PAFAH1B1: variants seen among roughly 807,000 people sequenced by gnomAD.
PAFAH1B1 encodes the protein platelet-activating factor acetylhydrolase IB subunit beta.
A neutral mutation model predicts 57.5 loss-of-function variants in PAFAH1B1; 2 were observed. The observed-to-expected ratio is 0.03, with a 90% CI of 0.01 to 0.11. The LOEUF (loss-of-function observed/expected upper bound fraction) is 0.11. PAFAH1B1 is among the 10% of genes least tolerant of loss of function. PAFAH1B1 has a pLI of 1.00. For missense variants in PAFAH1B1, 257 were observed against 512.0 expected (o/e 0.50, Z 4.81); for synonymous variants, 152 against 169.6 (o/e 0.90, Z 0.81).
chr17:2,650,780 C>T (rs2068838988), intron 2 of PAFAH1B1, among the ~76,000 whole-genome samples: 1 of 151,802 alleles, frequency 6.6e-6, no homozygotes, highest in South Asian at 2.1e-4. Flanking sequence ...GTGTATAATG[C>T]CATTCTCTTC....
chr17:2,681,717 T>A lies in PAFAH1B1; in HGVS notation c.1160-12T>A. 1 of 1,609,146 alleles carries A rather than the reference T, an allele frequency of 6.2e-7. No individual in the cohort carries two copies. Among genetic ancestry groups the A allele is most frequent in the Non-Finnish European group, 8.5e-7 (1 of 1,175,748 alleles). On this transcript the variant is annotated splice_polypyrimidine_tract_variant and intron_variant, in intron 10 of 10. Coordinates refer to ENST00000397195, the MANE Select transcript of PAFAH1B1 (RefSeq NM_000430.4). ...GTGTGAGTTTTAAATAAACCATTTCTTTTTCTTTCAGATTTCCACAAGACG... is the reference window on the plus strand; with the variant it reads ...GTGTGAGTTTTAAATAAACCATTTCATTTTCTTTCAGATTTCCACAAGACG...
chr17:2,610,016 G>T (rs1042016735), intron 1 of PAFAH1B1, among the ~76,000 whole-genome samples: 13 of 152,290 alleles, frequency 8.5e-5, no homozygotes, highest in African/African-American at 3.1e-4. Flanking sequence ...GTAGAGGCAG[G>T]GTTTCGCCAT....
At chr17:2,595,478 A>G (rs965458986) in intron 1 of PAFAH1B1, among the ~76,000 whole-genome samples, 3 of 146,498 alleles carry the variant, frequency 2.0e-5, no homozygotes, top group Middle Eastern at 3.5e-3. Context: ...GTCCAGTCTC[A>G]TAATCAGGAA....
intron 1 of PAFAH1B1, among the ~76,000 whole-genome samples, chr17:2,615,365 A>G (rs12450893): frequency 0.27 from 41,171 of 152,132 alleles, 5,788 homozygotes; most frequent in Middle Eastern, 0.35. Context: ...GACAAAATCT[A>G]AAGTCATAAT....
chr17:2,656,879 CT>C (rs2068942962), intron 2 of PAFAH1B1, among the ~76,000 whole-genome samples: 1 of 151,922 alleles, frequency 6.6e-6, no homozygotes, highest in Non-Finnish European at 1.5e-5. Context: ...TAGTCTGTTT[CT>C]GTTTCTAGCC....
At chr17:2,679,958 A>C in intron 9 of PAFAH1B1, 1 of 581,380 alleles carries the variant, frequency 1.7e-6, no homozygotes, top group Non-Finnish European at 3.1e-6. Context: ...TTTAACCCTC[A>C]TCCAGGACCC....
chr17:2,593,600 G>GGCGGCGGCGGCGGCGGCA (rs1174516166), upstream of PAFAH1B1: 1 of 210,392 alleles, frequency 4.8e-6, no homozygotes, highest in African/African-American at 2.4e-5. Context: ...GGGCGGCGGC[G>GGCGGCGGCGGCGGCGGCA]GCGGCGGCGG....
At chr17:2,664,155 CCT>C (rs1332257337) in intron 2 of PAFAH1B1, among the ~76,000 whole-genome samples, 1 of 152,110 alleles carries the variant, frequency 6.6e-6, no homozygotes, top group Admixed American at 6.6e-5. Context: ...CTGGTAATTC[CCT>C]GTTATCTTTC....
chr17:2,599,296 C>A (rs1185784721), intron 1 of PAFAH1B1, among the ~76,000 whole-genome samples: 2 of 152,196 alleles, frequency 1.3e-5, no homozygotes, highest in Admixed American at 6.5e-5. Flanking sequence ...GTAAATATTG[C>A]AGTCACAGAA....
intron 2 of PAFAH1B1, among the ~76,000 whole-genome samples, chr17:2,653,594 T>C (rs1597556552): frequency 1.3e-5 from 2 of 152,270 alleles, no homozygotes; most frequent in East Asian, 3.9e-4. Context: ...GTTGAGCTGT[T>C]TAAATCCAGG....
chr17:2,598,014 A>G (rs1346662090), intron 1 of PAFAH1B1, among the ~76,000 whole-genome samples: 1 of 152,022 alleles, frequency 6.6e-6, no homozygotes, highest in African/African-American at 2.4e-5. Context: ...TGGGAGGCCG[A>G]GGCGGGTGGA....
intron 8 of PAFAH1B1, among the ~76,000 whole-genome samples, chr17:2,675,568 A>G (rs1321057614): frequency 6.6e-6 from 1 of 151,556 alleles, no homozygotes; most frequent in Non-Finnish European, 1.5e-5. Flanking sequence ...TTGGGAAGTC[A>G]AGGCAGGAGG....
intron 1 of PAFAH1B1, among the ~76,000 whole-genome samples, chr17:2,605,399 A>G (rs931101574): frequency 6.6e-6 from 1 of 152,206 alleles, no homozygotes. Context: ...GTTGCCAAAA[A>G]CCCATCATCA....
At position 2,677,717 on chromosome 17, in the gene PAFAH1B1, C is replaced by G. The variant is rs542509644; in HGVS notation, c.1002+1111C>G. Among the ~76,000 whole-genome samples, 5 of 150,972 alleles carry G rather than the reference C, an allele frequency of 3.3e-5. No homozygotes were observed. The South Asian group carries it at 1.0e-3, about 32-fold the overall frequency. ...AAAATACAAAAAATTAGCCGGGCAT[C>G]CTGGCGGGTGCCTGTAGTCCCAGCT... On this transcript the variant is annotated intron_variant, in intron 9 of 10. Coordinates refer to ENST00000397195, the MANE Select transcript of PAFAH1B1 (RefSeq NM_000430.4).
intron 2 of PAFAH1B1, among the ~76,000 whole-genome samples, chr17:2,662,997 C>T (rs1442591748): frequency 6.6e-6 from 1 of 152,136 alleles, no homozygotes. Flanking sequence ...CCTGTAATCC[C>T]AGCTACTCTG....
chr17:2,623,257 CTTTCTT>C (rs2068446516), intron 1 of PAFAH1B1, among the ~76,000 whole-genome samples: 1 of 136,322 alleles, frequency 7.3e-6, no homozygotes, highest in Non-Finnish European at 1.5e-5. Flanking sequence ...TGGGTTTTTC[CTTTCTT>C]TTTTTTTTTT....
intron 2 of PAFAH1B1, among the ~76,000 whole-genome samples, chr17:2,645,517 T>C (rs1453845880): frequency 2.0e-5 from 3 of 151,080 alleles, no homozygotes; most frequent in Admixed American, 1.3e-4. Flanking sequence ...CACTTGAACC[T>C]GGGAGGCAGA....
chr17:2,593,228 G>C (rs1040913521), upstream of PAFAH1B1: 1 of 152,238 alleles, frequency 6.6e-6, no homozygotes, highest in Non-Finnish European at 1.5e-5. Context: ...AGGGGCGGTA[G>C]GTGGCCGGGC....
intron 2 of PAFAH1B1, chr17:2,640,165 C>G (rs2068677030): frequency 6.6e-6 from 1 of 152,124 alleles, no homozygotes; most frequent in East Asian, 1.9e-4. Flanking sequence ...TAAGTAGTTC[C>G]CCAAAATAAG....
Sources: allele counts gnomAD v4.1 joint callset (sites outside exome capture counted in the v4.1 genomes callset), GRCh38; gene constraint gnomAD v4.1.1; transcripts MANE v1.5; gene names NCBI Gene and HGNC (gene_info 2026-07-23, HGNC 2026-07-21).